NSG2: variants seen among roughly 807,000 people sequenced by gnomAD.
NSG2 encodes neuronal vesicle trafficking associated 2, also known as neuronal vesicle trafficking-associated protein 2.
In NSG2, 4 loss-of-function variants were observed where a neutral mutation model predicts 16.9. That is an observed-to-expected ratio of 0.24 (90% confidence interval 0.12 to 0.54). The LOEUF is 0.54. Ranked by LOEUF, NSG2 falls within the 20% of genes least tolerant of loss-of-function variation. The probability of loss-of-function intolerance (pLI) is 0.95; values close to 1 mark genes in which losing one functional copy is unlikely to be tolerated. For missense variants in NSG2, 179 were observed against 221.1 expected, an observed-to-expected ratio of 0.81 and a Z score of 1.21; for synonymous variants, 98 against 88.7, an observed-to-expected ratio of 1.11 and a Z score of -0.59.
At chr5:174,079,611 G>C (rs539860314) in intron 3 of NSG2, among the ~76,000 whole-genome samples, 1 of 152,114 alleles carries the variant, frequency 6.6e-6, no homozygotes, top group Non-Finnish European at 1.5e-5. Context: ...CTTATTGCCT[G>C]TTTGATCATT....
chr5:174,053,894 T>C (rs1358783728), intron 2 of NSG2, among the ~76,000 whole-genome samples: 1 of 152,232 alleles, frequency 6.6e-6, no homozygotes, highest in African/African-American at 2.4e-5. Context: ...ATTTTGACAT[T>C]GTCTGTACAA....
In NSG2 at chr5:174,066,263, CTT is replaced by C. The variant is rs760696569; in HGVS notation, c.213+1949_213+1950del. 6.2e-4 allele frequency: 285 copies of C among 456,162 alleles called. 2 individuals are homozygous for C. The highest frequency in any genetic ancestry group is 5.4e-4 in the Admixed American group (23 of 42,574). The allele number at this position is 456,162 out of a possible 1,614,324, so 28.3% of individuals were successfully genotyped here. A position where few individuals can be genotyped will look rare whatever the true frequency, so the allele number is the denominator to read the frequency against. ...ACCAAGACCCAGCTGCGTACAAGTA[CTT>C]GCAGGAATAAGCAGGTACCTGCATG... is the stretch of plus-strand genomic sequence containing the variant. On this transcript the variant is annotated intron_variant, in intron 3 of 4. Transcript: ENST00000303177.
intron 3 of NSG2, among the ~76,000 whole-genome samples, chr5:174,075,757 T>G (rs1760330617): frequency 6.6e-6 from 1 of 152,186 alleles, no homozygotes; most frequent in African/African-American, 2.4e-5. Context: ...TCTTAAAAAA[T>G]TGATGATGTT....
intron 2 of NSG2, chr5:174,056,293 T>C (rs921675064): frequency 6.6e-6 from 1 of 152,224 alleles, no homozygotes; most frequent in Non-Finnish European, 1.5e-5. Context: ...CTTTACCTCA[T>C]AGAATGATTG....
chr5:174,107,431 C>G lies in NSG2; in HGVS notation c.442C>G (p.Arg148Gly), dbSNP rs750816400. ...CAGCGTGGCCAAGCAGAGCACTGCC[C>G]GGGCCATCGGGCCGTGGCTGTCAGC... is the stretch of plus-strand genomic sequence containing the variant. ...HYSVAKQSTA[R>G]AIGPWLSAAA... Residue 148 changes from arginine to glycine, a missense_variant, in exon 5 of 5, where the codon CGG becomes GGG. Transcript: ENST00000303177. This position sits in a 1 kb window ranked among gnomAD's most constrained non-coding sequence, Gnocchi z 4.5. 7 of 1,612,780 alleles carry G rather than the reference C, an allele frequency of 4.3e-6. No homozygotes were observed. Among genetic ancestry groups the G allele is most frequent in the Non-Finnish European group, 5.9e-6 (7 of 1,179,094 alleles).
chr5:174,085,043 T>C (rs1472975313), intron 3 of NSG2, among the ~76,000 whole-genome samples: 1 of 152,200 alleles, frequency 6.6e-6, no homozygotes, highest in East Asian at 1.9e-4. Context: ...GGAAAGTTAA[T>C]TAAGGCTGTG....
chr5:174,065,082 A>T (rs1051739933), intron 3 of NSG2, among the ~76,000 whole-genome samples: 9 of 152,124 alleles, frequency 5.9e-5, no homozygotes, highest in Non-Finnish European at 1.2e-4. Flanking sequence ...TAATCCCAGC[A>T]CTTTGGGAGG....
intron 2 of NSG2, among the ~76,000 whole-genome samples, chr5:174,047,660 G>A (rs1252092524): frequency 6.6e-6 from 1 of 152,180 alleles, no homozygotes; most frequent in Admixed American, 6.5e-5. Flanking sequence ...TTGGGGAGGC[G>A]TGGCTGGAAA....
At chr5:174,062,850 T>C (rs1365430055) in intron 2 of NSG2, among the ~76,000 whole-genome samples, 2 of 152,238 alleles carry the variant, frequency 1.3e-5, no homozygotes, top group Non-Finnish European at 2.9e-5. Flanking sequence ...GAAGAATTCT[T>C]GCTCTAGTTA....
At chr5:174,074,430 G>C (rs1422678569) in intron 3 of NSG2, among the ~76,000 whole-genome samples, 2 of 152,112 alleles carry the variant, frequency 1.3e-5, no homozygotes, top group East Asian at 3.9e-4. Flanking sequence ...CCTGGTACCT[G>C]TGGGCCTCCA....
At chr5:174,065,403 A>C (rs2113436645) in intron 3 of NSG2, among the ~76,000 whole-genome samples, 1 of 152,246 alleles carries the variant, frequency 6.6e-6, no homozygotes, top group South Asian at 2.1e-4. Context: ...ATGAGGCAGA[A>C]GTGGGCGGAG....
At position 174,083,420 on chromosome 5, in the gene NSG2, G is replaced by A. The variant is rs72814782; in HGVS notation, c.213+19105G>A. 5.6e-3 allele frequency among the ~76,000 whole-genome samples: 859 copies of A among 152,244 alleles called. 2 individuals are homozygous for A. The highest frequency in any genetic ancestry group is 9.1e-3 in the Non-Finnish European group (622 of 68,022). ...GCCAGGAAAATCAATTGTGTTTCTC[G>A]GCTGCAGGAGATGATGGAACAGCGT... On this transcript the variant is annotated intron_variant, in intron 3 of 4. Transcript: ENST00000303177.
chr5:174,097,904 C>T (rs2113473043), intron 3 of NSG2, among the ~76,000 whole-genome samples: 1 of 151,916 alleles, frequency 6.6e-6, no homozygotes, highest in Admixed American at 6.6e-5. Context: ...CTTAATTCAA[C>T]TCAACACTGC....
chr5:174,085,200 G>A (rs775549877), intron 3 of NSG2, among the ~76,000 whole-genome samples: 11 of 152,238 alleles, frequency 7.2e-5, no homozygotes, highest in South Asian at 2.1e-4. Context: ...AACATTTATG[G>A]GAGCTTTACA....
intron 3 of NSG2, among the ~76,000 whole-genome samples, chr5:174,095,873 A>C (rs556005528): frequency 1.1e-4 from 16 of 152,378 alleles, no homozygotes; most frequent in Admixed American, 8.5e-4. Flanking sequence ...GTGTGCAGTT[A>C]TCTCTGACAC....
intron 3 of NSG2, among the ~76,000 whole-genome samples, chr5:174,094,340 T>A (rs1760763261): frequency 6.6e-6 from 1 of 152,216 alleles, no homozygotes; most frequent in Admixed American, 6.5e-5. Context: ...AAGTGATTGT[T>A]ATTATCAGGT....
chr5:174,086,781 T>G (rs771839353), intron 3 of NSG2, among the ~76,000 whole-genome samples: 1 of 152,258 alleles, frequency 6.6e-6, no homozygotes, highest in Non-Finnish European at 1.5e-5. Context: ...GAGTGATGAC[T>G]TGAACTTTTA....
At chr5:174,095,806 G>T (rs1165630908) in intron 3 of NSG2, among the ~76,000 whole-genome samples, 2 of 152,306 alleles carry the variant, frequency 1.3e-5, no homozygotes, top group African/African-American at 2.4e-5. Context: ...AAACTCAAAA[G>T]ATTAAAGGTA....
intron 2 of NSG2, among the ~76,000 whole-genome samples, chr5:174,059,667 A>G (rs973512153): frequency 6.6e-6 from 1 of 152,168 alleles, no homozygotes; most frequent in African/African-American, 2.4e-5. Flanking sequence ...GAGTAGGTCT[A>G]ACTTCAGGCA....
Sources: gnomAD v4.1 joint callset for allele counts (sites outside exome capture counted in the v4.1 genomes callset) on GRCh38, gnomAD v4.1.1 for gene constraint, Gnocchi (gnomAD v3.1) non-coding constraint, MANE v1.5 for transcripts, NCBI Gene and HGNC (gene_info 2026-07-23, HGNC 2026-07-21) for gene names.